Variants in ASMT observed in about 807,000 individuals in gnomAD.
ASMT encodes the protein acetylserotonin O-methyltransferase, also known as acetylserotonin N-methyltransferase.
Under a neutral mutation model 41.3 loss-of-function variants are expected in ASMT, and 53 were observed. The observed-to-expected ratio is 1.28, with a 90% CI of 1.03 to 1.61. The LOEUF is 1.61. ASMT is among the 40% of genes most tolerant of loss of function. The pLI is 0.00. For synonymous variants in ASMT, 231 were observed against 184.8 expected, an observed-to-expected ratio of 1.25 and a Z score of -2.03; for missense variants, 531 against 441.3, an observed-to-expected ratio of 1.20 and a Z score of -1.82.
chrX:1,623,227 T>G lies in ASMT; in HGVS notation c.158T>G (p.Val53Gly), dbSNP rs1195118936. The G allele has an allele frequency of 1.2e-6, 2 of 1,613,548 alleles. No individual in the cohort carries two copies. The highest frequency in any genetic ancestry group is 3.3e-5 in the Admixed American group (2 of 59,960). ...GACGTGGCGGCAGTGGCTGCAGGTG[T>G]GAGGGCCAGCGCCCATGGGACAGAG... is the stretch of plus-strand genomic sequence containing the variant. Reference protein sequence around the residue: ...PLDVAAVAAGVRASAHGTELL... With the variant: ...PLDVAAVAAGGRASAHGTELL... Residue 53 changes from valine (V) to glycine (G), a missense_variant, in exon 2 of 9, where the codon GTG (valine) becomes GGG (glycine). Coordinates refer to ENST00000381241, the MANE Select transcript of ASMT (RefSeq NM_001171038.2).
At position 1,642,851 on chromosome X, in the gene ASMT, G is replaced by A. The variant is rs765596621; in HGVS notation, c.959G>A (p.Gly320Asp). The A allele has an allele frequency of 6.2e-7, 1 of 1,613,870 alleles. No individual in the cohort carries two copies. Among genetic ancestry groups the A allele is most frequent in the African/African-American group, 1.3e-5 (1 of 74,914 alleles). Residue 320 changes from glycine to aspartate, a missense_variant, in exon 9 of 9, where the codon GGT becomes GAT. Transcript: ENST00000381241. ...AGCCTCCTGGATGAAGACAGGCGAG[G>A]TCCTCTGCTCACGCAGCTCTACTCT... ...IESLLDEDRR[G>D]PLLTQLYSLN...
At chrX:1,627,979 G>A in intron 4 of ASMT, 1 of 636,794 alleles carries the variant, frequency 1.6e-6, no homozygotes, top group South Asian at 1.9e-5. Flanking sequence ...GGTGCAACGT[G>A]ACCCTTCCTT....
Position 1,633,227 on chromosome X carries a change from G to A in ASMT, c.724G>A (p.Val242Met), listed in dbSNP as rs369639982. ...CKITVFDIPEVVWTAKQHFSF... is the reference protein window; with the variant it reads ...CKITVFDIPEMVWTAKQHFSF... Reference sequence around the variant, plus strand: ...GATCACCGTTTTTGACATCCCAGAAGTGGTGTGGACGGCAAAGCAGCACTT... The same window carrying A: ...GATCACCGTTTTTGACATCCCAGAAATGGTGTGGACGGCAAAGCAGCACTT... The change falls in exon 7 of 9, where the codon GTG (valine) becomes ATG (methionine). Residue 242 changes from valine (V) to methionine (M), a missense_variant. By Grantham distance (21) the Val-to-Met change is conservative (BLOSUM62 1). Transcript: ENST00000381241. 27 of 1,613,962 alleles carry A rather than the reference G, an allele frequency of 1.7e-5. No homozygotes were observed. Among genetic ancestry groups the A allele is most frequent in the East Asian group, 2.2e-5 (1 of 44,878 alleles).
In ASMT at chrX:1,629,916, T is replaced by C; in HGVS notation, c.539T>C (p.Phe180Ser). 1 of 1,613,946 alleles carries C rather than the reference T, an allele frequency of 6.2e-7. No individual in the cohort carries two copies. The highest frequency in any genetic ancestry group is 8.5e-7 in the Non-Finnish European group (1 of 1,179,850). Residue 180 changes from phenylalanine to serine, a missense_variant, in exon 5 of 9, where the codon TTC becomes TCC. By Grantham distance (155) the Phe-to-Ser change is radical (BLOSUM62 -2). Transcript: ENST00000381241. Reference sequence around the variant, plus strand: ...CTGACCGCCTTTGACCTGTCAGTGTTCCCACTTATGTGTGACCTTGGTGGT... The same window carrying C: ...CTGACCGCCTTTGACCTGTCAGTGTCCCCACTTATGTGTGACCTTGGTGGT... ...SVLTAFDLSV[F>S]PLMCDLGGTW...
intron 1 of ASMT, among the ~76,000 whole-genome samples, chrX:1,620,772 C>A (rs1934309500): frequency 6.6e-6 from 1 of 152,072 alleles, no homozygotes; most frequent in Non-Finnish European, 1.5e-5. Flanking sequence ...ACCTGTAGTC[C>A]CAGCTAGTCG....
Position 1,636,462 on chromosome X carries a change from C to G in ASMT, c.812C>G (p.Pro271Arg), listed in dbSNP as rs121918826. The change falls in exon 8 of 9, where the codon CCG becomes CGG. Residue 271 changes from proline to arginine, a missense_variant. Transcript: ENST00000381241. ...GGGGATTTCTTCAAAGACCCTCTTC[C>G]GGAAGCTGATCTGTACATCCTGGCC... is the stretch of plus-strand genomic sequence containing the variant. ...QEGDFFKDPLPEADLYILARV... is the reference protein window; with the variant it reads ...QEGDFFKDPLREADLYILARV... 1.9e-6 allele frequency: 3 copies of G among 1,613,770 alleles called. No individual in the cohort carries two copies. The highest frequency in any genetic ancestry group is 2.7e-5 in the African/African-American group (2 of 74,884).
chrX:1,626,194 G>T (rs1166519991), intron 3 of ASMT, among the ~76,000 whole-genome samples: 1 of 151,066 alleles, frequency 6.6e-6, no homozygotes, highest in Non-Finnish European at 1.5e-5. Context: ...TTCAAGCTAT[G>T]GTAAAGAGAA....
intron 7 of ASMT, among the ~76,000 whole-genome samples, chrX:1,635,860 C>T (rs773499860): frequency 2.0e-5 from 3 of 150,162 alleles, no homozygotes; most frequent in Admixed American, 1.3e-4. Context: ...AAAACTCCAT[C>T]TCAAACAAAC....
intron 6 of ASMT, 43 bp downstream of exon 6, chrX:1,632,830 A>C: frequency 8.4e-6 from 4 of 474,112 alleles, no homozygotes; most frequent in East Asian, 4.1e-5. Flanking sequence ...AGGGAGGGGA[A>C]CGTCACACAC....
chrX:1,624,968 C>A (rs1165217591), intron 3 of ASMT, among the ~76,000 whole-genome samples: 3 of 139,812 alleles, frequency 2.1e-5, no homozygotes, highest in Admixed American at 7.1e-5. Flanking sequence ...TGGGGGCTGA[C>A]CCCAGGCAGA....
intron 7 of ASMT, among the ~76,000 whole-genome samples, chrX:1,633,916 GTGT>G (rs1291244481): frequency 2.4e-4 from 36 of 151,636 alleles, no homozygotes; most frequent in Admixed American, 4.6e-4. Context: ...GGGATTACAG[GTGT>G]GAACCATCAC....
intron 2 of ASMT, 94 bp from the exon 3 acceptor site, chrX:1,624,175 T>C (rs1934437881): frequency 6.7e-7 from 1 of 1,493,346 alleles, no homozygotes; most frequent in Non-Finnish European, 9.3e-7. Flanking sequence ...CTTGTAATCA[T>C]GTTGAAATCA....
chrX:1,619,658 C>A (rs1224731157), intron 1 of ASMT, among the ~76,000 whole-genome samples: 1 of 148,976 alleles, frequency 6.7e-6, no homozygotes, highest in Admixed American at 6.7e-5. Flanking sequence ...AGTTAATGCA[C>A]CTTTCATAGA....
At chrX:1,617,512 C>T (rs1359977591) in intron 1 of ASMT, among the ~76,000 whole-genome samples, 4 of 151,954 alleles carry the variant, frequency 2.6e-5, no homozygotes, top group African/African-American at 9.7e-5. Flanking sequence ...GAAAGGGGGT[C>T]GTGTGCTGAC....
In ASMT at chrX:1,640,584, GGC is replaced by G. The variant is rs1320966045; in HGVS notation, c.911-2218_911-2217del. ...TCCTGTGAGATCCATCCATCCTGAT[GGC>G]ACATGAGGATGTGGGCACAGCCTCT... On this transcript the variant is annotated intron_variant, in intron 8 of 8. Transcript: ENST00000381241. Among the ~76,000 whole-genome samples, 180 of 42,560 alleles carry G rather than the reference GGC, an allele frequency of 4.2e-3. 2 individuals are homozygous for G. Among genetic ancestry groups the G allele is most frequent in the Non-Finnish European group, 4.5e-3 (115 of 25,834 alleles). The allele number at this position is 42,560 out of a possible 152,430, so 27.9% of individuals were successfully genotyped here. A position where few individuals can be genotyped will look rare whatever the true frequency, so the allele number is the denominator to read the frequency against.
intron 3 of ASMT, 58 bp downstream of exon 3, chrX:1,624,456 G>A (rs1409615272): frequency 2.0e-6 from 3 of 1,495,768 alleles, no homozygotes; most frequent in East Asian, 2.4e-5. Context: ...GGCAGATGCT[G>A]GGAGGTGGGG....
At chrX:1,618,559 C>G (rs1468715807) in intron 1 of ASMT, among the ~76,000 whole-genome samples, 3 of 151,910 alleles carry the variant, frequency 2.0e-5, no homozygotes, top group African/African-American at 7.3e-5. Flanking sequence ...CTCAGCCTCC[C>G]AAAGTGCTAG....
At chrX:1,615,564 AG>A (rs1934054151) in intron 1 of ASMT, among the ~76,000 whole-genome samples, 1 of 152,032 alleles carries the variant, frequency 6.6e-6, no homozygotes, top group African/African-American at 2.4e-5. Context: ...GCACTTTGGG[AG>A]GCTGAGGCGG....
Position 1,629,931 on chromosome X carries a change from A to G in ASMT, c.554A>G (p.Asp185Gly). The G allele has an allele frequency of 2.5e-6, 4 of 1,613,736 alleles. No individual in the cohort carries two copies. The South Asian group carries it at 3.3e-5, about 13-fold the overall frequency. ...CTGTCAGTGTTCCCACTTATGTGTG[A>G]CCTTGGTGGTAAGTACCCCTCACCA... is the stretch of plus-strand genomic sequence containing the variant. ...FDLSVFPLMC[D>G]LGGTWIKLET... Residue 185 changes from aspartate (D) to glycine (G), a missense_variant, in exon 5 of 9, where the codon GAC (aspartate) becomes GGC (glycine). Physicochemically the swap from Asp to Gly is moderately conservative, Grantham distance 94. Transcript: ENST00000381241.
Sources: gnomAD v4.1 joint callset for allele counts (sites outside exome capture counted in the v4.1 genomes callset) on GRCh38, gnomAD v4.1.1 for gene constraint, MANE v1.5 for transcripts, NCBI Gene and HGNC (gene_info 2026-07-23, HGNC 2026-07-21) for gene names.